Variants in MYO16 observed in about 807,000 individuals in gnomAD.
The protein encoded by MYO16 is myosin XVI.
Under a neutral mutation model 205.3 loss-of-function variants are expected in MYO16, and 94 were observed. The ratio of observed to expected loss-of-function variants is 0.46; its 90% CI spans 0.39 to 0.54. MYO16 has a LOEUF of 0.54. Among genes scored for constraint, MYO16 ranks in the 20% least tolerant of loss-of-function variants. The probability of loss-of-function intolerance (pLI) is 0.00; values close to 1 mark genes in which losing one functional copy is unlikely to be tolerated. For missense variants in MYO16, 2,315 were observed against 2,387.5 expected, an observed-to-expected ratio of 0.97 and a Z score of 0.63; for synonymous variants, 988 against 954.0, an observed-to-expected ratio of 1.04 and a Z score of -0.66.
At chr13:108,759,082 C>T (rs1374147871) in intron 4 of MYO16, among the ~76,000 whole-genome samples, 1 of 151,848 alleles carries the variant, frequency 6.6e-6, no homozygotes, top group East Asian at 1.9e-4. Context: ...AAAGCCTGAG[C>T]CAAATGAAAG....
intron 12 of MYO16, among the ~76,000 whole-genome samples, chr13:108,867,444 AC>A (rs932110042): frequency 9.2e-5 from 14 of 152,136 alleles, no homozygotes; most frequent in South Asian, 6.2e-4. Flanking sequence ...AAACCTGCCT[AC>A]CCTCCTCATT....
intron 4 of MYO16, among the ~76,000 whole-genome samples, chr13:108,730,557 C>G (rs926066310): frequency 6.6e-6 from 1 of 152,042 alleles, no homozygotes; most frequent in African/African-American, 2.4e-5. Context: ...TGGTATCTGG[C>G]GTAACAACAT....
Position 108,688,558 on chromosome 13 carries a change from G to A in MYO16, c.292+22409G>A, listed in dbSNP as rs149618750. On this transcript the variant is annotated intron_variant, in intron 2 of 34. Coordinates refer to ENST00000457511, the MANE Select transcript of MYO16 (RefSeq NM_001198950.3). ...CACTGGAACTGCAGGTTGAGCTAGAGCTGCTCCACAATTCCTGAGTCTGTC... is the reference window on the plus strand; with the variant it reads ...CACTGGAACTGCAGGTTGAGCTAGAACTGCTCCACAATTCCTGAGTCTGTC... 1.5e-3 allele frequency among the ~76,000 whole-genome samples: 224 copies of A among 152,226 alleles called. 1 individual carries two copies. The highest frequency in any genetic ancestry group is 0.01 in the Middle Eastern group (3 of 294).
intron 22 of MYO16, among the ~76,000 whole-genome samples, chr13:109,014,038 G>T (rs1885714701): frequency 6.6e-6 from 1 of 152,110 alleles, no homozygotes; most frequent in Non-Finnish European, 1.5e-5. Flanking sequence ...TAAAGTCTTT[G>T]CCCATGCCTA....
intron 4 of MYO16, among the ~76,000 whole-genome samples, chr13:108,752,808 A>ATCTTTT (rs751233713): frequency 0.014 from 1,272 of 90,550 alleles, 155 homozygotes; most frequent in African/African-American, 0.043. Flanking sequence ...TGCCCAGCTA[A>ATCTTTT]TTTTTTTTTT....
intron 34 of MYO16, among the ~76,000 whole-genome samples, chr13:109,187,761 A>G (rs1031184614): frequency 6.6e-6 from 1 of 152,206 alleles, no homozygotes; most frequent in African/African-American, 2.4e-5. Flanking sequence ...AAATGTTTTT[A>G]TGGCCCAGGA....
chr13:108,874,170 G>A (rs1486163967), intron 12 of MYO16, among the ~76,000 whole-genome samples: 1 of 151,820 alleles, frequency 6.6e-6, no homozygotes, highest in African/African-American at 2.4e-5. Context: ...TAATTGGCAA[G>A]TCAAGAGGTT....
At chr13:108,634,249 C>A (rs1286628035) in intron 1 of MYO16, among the ~76,000 whole-genome samples, 1 of 152,124 alleles carries the variant, frequency 6.6e-6, no homozygotes, top group East Asian at 1.9e-4. Flanking sequence ...TACAAACCTA[C>A]CCTCCCACCA....
At chr13:109,024,640 C>G (rs572417612) in intron 23 of MYO16, among the ~76,000 whole-genome samples, 134 of 152,160 alleles carry the variant, frequency 8.8e-4, no homozygotes, top group South Asian at 2.5e-3. Flanking sequence ...GGTGCACAGC[C>G]TAAACCCCTG....
intron 27 of MYO16, among the ~76,000 whole-genome samples, chr13:109,067,201 G>T (rs1887777408): frequency 1.3e-5 from 2 of 152,086 alleles, no homozygotes; most frequent in Admixed American, 1.3e-4. Flanking sequence ...ACCATTTAGA[G>T]TAACTACTCT....
intron 1 of MYO16, among the ~76,000 whole-genome samples, chr13:108,655,630 C>A (rs2139411391): frequency 6.6e-6 from 1 of 152,232 alleles, no homozygotes; most frequent in Admixed American, 6.5e-5. Context: ...CACCACACAC[C>A]TGGAAAAGTC....
At chr13:108,888,501 A>C (rs781009423) in intron 14 of MYO16, 24 bp downstream of exon 14, 1 of 1,523,134 alleles carries the variant, frequency 6.6e-7, no homozygotes, top group Non-Finnish European at 9.0e-7. Flanking sequence ...TTGGGTTGGC[A>C]AATATGTGAA....
intron 4 of MYO16, among the ~76,000 whole-genome samples, chr13:108,781,843 C>G (rs992604296): frequency 2.6e-5 from 4 of 152,234 alleles, no homozygotes; most frequent in African/African-American, 9.6e-5. Flanking sequence ...CAGGGATTTC[C>G]CTTTTTGCTT....
the MYO16 span, among the ~76,000 whole-genome samples, chr13:108,552,704 C>T: frequency 1.3e-5 from 2 of 152,170 alleles, no homozygotes; most frequent in South Asian, 2.1e-4. Flanking sequence ...TCACTCCTTC[C>T]TCCTGTTATA....
chr13:108,661,369 T>C (rs941021969), intron 1 of MYO16, among the ~76,000 whole-genome samples: 8 of 152,110 alleles, frequency 5.3e-5, no homozygotes, highest in African/African-American at 1.9e-4. Flanking sequence ...TATTCCTCCA[T>C]ATATGTTTTC....
Position 109,125,157 on chromosome 13 carries a change from G to A in MYO16, c.3581G>A (p.Ser1194Asn), listed in dbSNP as rs1290103878. The stretch of plus-strand genomic sequence containing the variant: ...CGCCAGCACCTGCTTCAGAGAATAA[G>A]CATCAGACAACAAGAGGTGACTTCT... ...LARQHLLQRI[S>N]IRQQEVTSIN... The change falls in exon 30 of 35, where the codon AGC (serine) becomes AAC (asparagine). Residue 1194 changes from serine (S) to asparagine (N), a missense_variant. By Grantham distance (46) the Ser-to-Asn change is conservative. Around this residue, in one of 3 missense-constraint regions of MYO16, gnomAD observed 1,097 missense variants for 1,092.0 expected, o/e 1.00. Coordinates refer to ENST00000457511, the MANE Select transcript of MYO16 (RefSeq NM_001198950.3). This position sits in a 1 kb window ranked among gnomAD's most constrained non-coding sequence, Gnocchi z 4.0. 10 of 1,614,100 alleles carry A rather than the reference G, an allele frequency of 6.2e-6. No individual in the cohort carries two copies. Among genetic ancestry groups the A allele is most frequent in the African/African-American group, 1.3e-5 (1 of 75,024 alleles).
At chr13:108,584,216 A>G in the MYO16 span, among the ~76,000 whole-genome samples, 1 of 152,100 alleles carries the variant, frequency 6.6e-6, no homozygotes, top group Non-Finnish European at 1.5e-5. Flanking sequence ...GCCTCCCAAA[A>G]TGCTGGATTA....
At chr13:109,105,650 T>G (rs530023403) in intron 28 of MYO16, among the ~76,000 whole-genome samples, 1 of 152,312 alleles carries the variant, frequency 6.6e-6, no homozygotes, top group South Asian at 2.1e-4. Context: ...TAGCATAGAA[T>G]ACTATATAGG....
At chr13:109,010,303 C>T (rs531425141) in intron 22 of MYO16, among the ~76,000 whole-genome samples, 28 of 152,310 alleles carry the variant, frequency 1.8e-4, no homozygotes, top group African/African-American at 6.3e-4. Flanking sequence ...TGTCTTTAGG[C>T]ACTTCCACAA....
Sources: gnomAD v4.1 joint callset for allele counts (sites outside exome capture counted in the v4.1 genomes callset) on GRCh38, gnomAD v4.1.1 for gene constraint, gnomAD v4.1.1 regional missense constraint, Gnocchi (gnomAD v3.1) non-coding constraint, MANE v1.5 for transcripts, NCBI Gene and HGNC (gene_info 2026-07-23, HGNC 2026-07-21) for gene names.